CHLSN: variants seen among roughly 807,000 people sequenced by gnomAD.
CHLSN encodes cholesin.
chr7:982,210 C>T, the CHLSN span, among the ~76,000 whole-genome samples: 15 of 152,334 alleles, frequency 9.8e-5, no homozygotes, highest in South Asian at 3.1e-3. Context: ...AGTGAGCTCC[C>T]CACCACAGGA....
At chr7:1,087,791 C>A in the CHLSN span, among the ~76,000 whole-genome samples, 1 of 152,330 alleles carries the variant, frequency 6.6e-6, no homozygotes, top group Admixed American at 6.5e-5. Context: ...TAACGCAGGT[C>A]AGTTGCAAAA....
the CHLSN span, among the ~76,000 whole-genome samples, chr7:1,048,389 T>C: frequency 6.6e-6 from 1 of 152,126 alleles, no homozygotes. Context: ...TGCTGGTTTC[T>C]GTTTCTGCCA....
the CHLSN span, among the ~76,000 whole-genome samples, chr7:1,001,616 G>A: frequency 7.9e-6 from 1 of 126,564 alleles, no homozygotes. Flanking sequence ...GGGTCCTGCC[G>A]GTGGGGAGTC....
the CHLSN span, among the ~76,000 whole-genome samples, chr7:1,094,405 G>A: frequency 6.6e-6 from 1 of 152,210 alleles, no homozygotes; most frequent in African/African-American, 2.4e-5. Context: ...CTGTGTTTGC[G>A]GTTCTGGTCT....
the CHLSN span, among the ~76,000 whole-genome samples, chr7:1,100,704 AGC>A: frequency 5.9e-4 from 90 of 151,956 alleles, no homozygotes; most frequent in African/African-American, 2.0e-3. Context: ...AAATGTCCCC[AGC>A]CGGAGCCCCT....
chr7:1,030,838 C>T, the CHLSN span, among the ~76,000 whole-genome samples: 2 of 152,168 alleles, frequency 1.3e-5, no homozygotes, highest in Non-Finnish European at 2.9e-5. Context: ...TGCCACCATG[C>T]CTGCTTTCCC....
At chr7:1,104,036 G>A in the CHLSN span, among the ~76,000 whole-genome samples, 4 of 152,244 alleles carry the variant, frequency 2.6e-5, no homozygotes, top group Admixed American at 2.6e-4. Context: ...CCAGCCCCGT[G>A]CTAGCACCCA....
chr7:1,101,872 C>G, the CHLSN span, among the ~76,000 whole-genome samples: 1 of 152,270 alleles, frequency 6.6e-6, no homozygotes, highest in Non-Finnish European at 1.5e-5. Flanking sequence ...CTCCAGAAAA[C>G]GAGGCTCGCT....
the CHLSN span, among the ~76,000 whole-genome samples, chr7:1,020,207 T>C: frequency 6.6e-6 from 1 of 152,092 alleles, no homozygotes; most frequent in African/African-American, 2.4e-5. Flanking sequence ...CGCCGCGGAG[T>C]GCATTCCCTC....
chr7:1,111,890 G>T, the CHLSN span, among the ~76,000 whole-genome samples: 1 of 152,132 alleles, frequency 6.6e-6, no homozygotes, highest in Non-Finnish European at 1.5e-5. Context: ...CATGCCCACT[G>T]CAGAAATCCT....
chr7:1,059,614 G>A, the CHLSN span, among the ~76,000 whole-genome samples: 5 of 139,702 alleles, frequency 3.6e-5, no homozygotes, highest in Non-Finnish European at 7.8e-5. Context: ...GGGTCAGTAG[G>A]TGGTTCTTAG....
the CHLSN span, among the ~76,000 whole-genome samples, chr7:1,095,854 T>C: frequency 6.6e-6 from 1 of 152,220 alleles, no homozygotes; most frequent in Non-Finnish European, 1.5e-5. Context: ...GCAGAAATCA[T>C]ACAGGGCTGG....
chr7:1,045,107 C>A, the CHLSN span, among the ~76,000 whole-genome samples: 1 of 152,244 alleles, frequency 6.6e-6, no homozygotes, highest in Non-Finnish European at 1.5e-5. Flanking sequence ...GTTGGCAGGG[C>A]ATGGGACGGC....
the CHLSN span, among the ~76,000 whole-genome samples, chr7:1,031,393 G>GT: frequency 1.4e-4 from 21 of 148,274 alleles, no homozygotes; most frequent in African/African-American, 4.8e-4. Flanking sequence ...GAGTGGTCCG[G>GT]GGGGGCAGAG....
At chr7:1,109,877 C>A in the CHLSN span, among the ~76,000 whole-genome samples, 9 of 152,208 alleles carry the variant, frequency 5.9e-5, no homozygotes, top group African/African-American at 2.2e-4. Context: ...TACCAGGCAA[C>A]CACCTCCATC....
chr7:996,436 T>C, the CHLSN span, among the ~76,000 whole-genome samples: 1 of 152,114 alleles, frequency 6.6e-6, no homozygotes. Flanking sequence ...ACTTTTCTGC[T>C]CCACCGTCAG....
the CHLSN span, among the ~76,000 whole-genome samples, chr7:1,085,100 C>T: frequency 1.3e-5 from 2 of 152,240 alleles, no homozygotes; most frequent in South Asian, 2.1e-4. Context: ...GGCATTCACT[C>T]GGGAGGGCTC....
At chr7:1,013,902 T>C in the CHLSN span, among the ~76,000 whole-genome samples, 1 of 152,238 alleles carries the variant, frequency 6.6e-6, no homozygotes, top group African/African-American at 2.4e-5. Context: ...GTTAGATGTC[T>C]TGAGGATTAC....
the CHLSN span, among the ~76,000 whole-genome samples, chr7:1,136,513 T>C: frequency 4.2e-5 from 4 of 95,448 alleles, no homozygotes; most frequent in Admixed American, 1.2e-4. Flanking sequence ...TATATAAACA[T>C]ATATAAATAT....
Sources: gnomAD v4.1 joint callset for allele counts (sites outside exome capture counted in the v4.1 genomes callset) on GRCh38, gnomAD v4.1.1 for gene constraint, MANE v1.5 for transcripts, NCBI Gene and HGNC (gene_info 2026-07-23, HGNC 2026-07-21) for gene names.